Variants in C14orf93 observed in about 807,000 individuals in gnomAD.
The protein encoded by C14orf93 is chromosome 14 open reading frame 93.
In C14orf93, 23 loss-of-function variants were observed where a neutral mutation model predicts 44.0. The observed-to-expected ratio is 0.52, with a 90% confidence interval of 0.38 to 0.74. The LOEUF (loss-of-function observed/expected upper bound fraction) is 0.74, where lower values mean the gene tolerates loss of function less well. C14orf93 is among the 30% of genes least tolerant of loss of function. The pLI, the probability that C14orf93 is intolerant of heterozygous loss-of-function variation, is 0.00. For synonymous variants in C14orf93, 253 were observed against 265.7 expected (o/e 0.95, Z 0.46); for missense variants, 579 against 678.9 (o/e 0.85, Z 1.64).
At chr14:23,001,747 G>C (rs558467801) in intron 1 of C14orf93, among the ~76,000 whole-genome samples, 1 of 148,544 alleles carries the variant, frequency 6.7e-6, no homozygotes, top group East Asian at 2.1e-4. Context: ...TTACAGGTGT[G>C]AGCCACTGCG....
In C14orf93 at chr14:23,003,879, TATATATATATATATA is replaced by T. The variant is rs1566696777; in HGVS notation, c.-379-4492_-379-4478del. 4.4e-3 allele frequency among the ~76,000 whole-genome samples: 72 copies of T among 16,186 alleles called. 1 individual carries two copies. The highest frequency in any genetic ancestry group is 7.2e-3 in the Non-Finnish European group (59 of 8,206). 10.6% of individuals were successfully genotyped at this position (16,186 alleles called of 152,430 possible). A position where few individuals can be genotyped will look rare whatever the true frequency, so the allele number is the denominator to read the frequency against. The stretch of plus-strand genomic sequence containing the variant: ...ATTCATATATATATATATATATATA[TATATATATATATATA>T]TATATTTTTTTTTTTTTTTTTTTTT... On this transcript the variant is annotated intron_variant, in intron 1 of 6. Coordinates refer to ENST00000299088, the MANE Select transcript of C14orf93 (RefSeq NM_021944.4).
intron 1 of C14orf93, among the ~76,000 whole-genome samples, chr14:23,001,496 G>A (rs987405694): frequency 3.9e-5 from 6 of 151,988 alleles, no homozygotes; most frequent in African/African-American, 9.7e-5. Context: ...ACGGAGTCTC[G>A]CTCTGTTGCC....
chr14:22,996,394 A>G lies in C14orf93; in HGVS notation c.598-126T>C. 3.2e-6 allele frequency: 3 copies of G among 928,548 alleles called. No individual in the cohort carries two copies. The South Asian group carries it at 5.7e-5, about 18-fold the overall frequency. 57.5% of individuals were successfully genotyped at this position (928,548 alleles called of 1,614,324 possible). ...AAGGGGAACTCTAGCACAGTCTTTA[A>G]TGGTCAATGGCTTGTTTCTCTGGGA... On this transcript the variant is annotated intron_variant, in intron 2 of 6. Coordinates refer to ENST00000299088, the MANE Select transcript of C14orf93 (RefSeq NM_021944.4). The surrounding 1 kb of genome is among the most constrained non-coding windows in gnomAD (Gnocchi z 4.1).
chr14:22,994,734 G>GAA (rs58652858), intron 3 of C14orf93, among the ~76,000 whole-genome samples: 3 of 123,724 alleles, frequency 2.4e-5, no homozygotes, highest in Non-Finnish European at 3.6e-5. Flanking sequence ...TCTCAAGAAA[G>GAA]AAAAAAAAAA....
intron 5 of C14orf93, among the ~76,000 whole-genome samples, chr14:22,989,389 T>A (rs1365473959): frequency 1.3e-5 from 2 of 152,164 alleles, no homozygotes; most frequent in Admixed American, 6.5e-5. Context: ...GGAAATAATA[T>A]TTAGGGACCA....
In C14orf93 at chr14:22,987,431, G is replaced by A. The variant is rs1305209939; in HGVS notation, c.1401C>T (p.Thr467=). ...YHLDANSKHG[T]KANRVYGPPS... is the part of the protein sequence containing the mutation. ...GAGGCCCATACACACGGTTGGCTTT[G>A]GTGCCATGCTTAGAGTTAGCATCCA... Residue 467 remains threonine, a synonymous_variant, in exon 7 of 7, where the codon ACC becomes ACT. Transcript: ENST00000299088. The surrounding 1 kb of genome is among the most constrained non-coding windows in gnomAD (Gnocchi z 5.6). 9 of 1,614,138 alleles carry A rather than the reference G, an allele frequency of 5.6e-6. No individual in the cohort carries two copies. The highest frequency in any genetic ancestry group is 7.6e-6 in the Non-Finnish European group (9 of 1,180,058).
chr14:23,000,316 G>GA (rs994647029), intron 1 of C14orf93, among the ~76,000 whole-genome samples: 5 of 151,572 alleles, frequency 3.3e-5, no homozygotes, highest in Non-Finnish European at 5.9e-5. Context: ...CTTGATGATA[G>GA]AAAAAAAATC....
In C14orf93 at chr14:22,999,294, G is replaced by A. The variant is rs2046176978; in HGVS notation, c.-271C>T. 1 of 363,472 alleles carries A rather than the reference G, an allele frequency of 2.8e-6. No homozygotes were observed. The highest frequency in any genetic ancestry group is 4.9e-5 in the East Asian group (1 of 20,270). The allele number at this position is 363,472 out of a possible 1,614,324, so 22.5% of individuals were successfully genotyped here. On this transcript the variant is annotated 5_prime_UTR_variant, in exon 2 of 7. It introduces an in-frame stop codon into an upstream open reading frame of the 5' UTR. Transcript: ENST00000299088. ...GCACATCACAAATCAAGGCCTTCCTGATGAACGGTTTCAGACGGTAGAGAG... is the reference window on the plus strand; with the variant it reads ...GCACATCACAAATCAAGGCCTTCCTAATGAACGGTTTCAGACGGTAGAGAG...
chr14:22,988,697 C>T (rs1219645422), intron 5 of C14orf93, among the ~76,000 whole-genome samples: 1 of 152,040 alleles, frequency 6.6e-6, no homozygotes, highest in African/African-American at 2.4e-5. Context: ...TGCCCACCTC[C>T]ATCTCCAACA....
In C14orf93 at chr14:22,996,241, C is replaced by T. The variant is rs1345614066; in HGVS notation, c.625G>A (p.Gly209Ser). The change falls in exon 3 of 7, where the codon GGT becomes AGT. Residue 209 changes from glycine (G) to serine (S), a missense_variant. By Grantham distance (56) the Gly-to-Ser change is moderately conservative (BLOSUM62 0). Coordinates refer to ENST00000299088, the MANE Select transcript of C14orf93 (RefSeq NM_021944.4). This position sits in a 1 kb window ranked among gnomAD's most constrained non-coding sequence, Gnocchi z 4.1. ...GGGACCAGAACTCGCTGTACTGCAC[C>T]CTCAGAGGCCACGTAATCATCCACC... is the stretch of plus-strand genomic sequence containing the variant. ...PLVDDYVASEGAVQRVLVPAY... is the reference protein window; with the variant it reads ...PLVDDYVASESAVQRVLVPAY... 3 of 1,568,206 alleles carry T rather than the reference C, an allele frequency of 1.9e-6. No homozygotes were observed. In the South Asian group the frequency reaches 3.5e-5, roughly 18 times the overall value.
chr14:22,988,119 C>T (rs996364371), intron 5 of C14orf93, 104 bp from the exon 6 acceptor site: 2 of 674,310 alleles, frequency 3.0e-6, no homozygotes, highest in Non-Finnish European at 2.6e-6. Flanking sequence ...TTGGCGATCA[C>T]TACTTAGATG....
Position 22,990,072 on chromosome 14 carries a change from G to A in C14orf93, c.974C>T (p.Ser325Phe), listed in dbSNP as rs867582464. 6.2e-7 allele frequency: 1 copy of A among 1,612,764 alleles called. No individual in the cohort carries two copies. ...TTCCTCAAGGAGACCATACCTTTCA[G>A]ACCCATTGAATCTCTTGTCATTGGT... ...HITNDKRFNG[S>F]ESIKSSWNIS... The change falls in exon 4 of 7, where the codon TCT (serine) becomes TTT (phenylalanine). Residue 325 changes from serine (S) to phenylalanine (F), a missense_variant. Physicochemically the swap from Ser to Phe is radical, Grantham distance 155. Transcript: ENST00000299088.
chr14:22,995,535 C>A (rs780178430), intron 3 of C14orf93, among the ~76,000 whole-genome samples: 2 of 151,926 alleles, frequency 1.3e-5, no homozygotes, highest in Non-Finnish European at 1.5e-5. Context: ...CAAAAATTAG[C>A]TGGGGGTGGT....
In C14orf93 at chr14:22,995,847, C is replaced by G; in HGVS notation, c.918+101G>C. ...CCTCCCACTCTGGTAGGATTCAGTA[C>G]AGCATTCATTCAATATGGGAGGCCT... On this transcript the variant is annotated intron_variant, in intron 3 of 6. Transcript: ENST00000299088. 7.9e-6 allele frequency: 9 copies of G among 1,142,276 alleles called. No individual in the cohort carries two copies. In the South Asian group the frequency reaches 1.5e-4, roughly 19 times the overall value. The allele number at this position is 1,142,276 out of a possible 1,614,324, so 70.8% of individuals were successfully genotyped here. A position where few individuals can be genotyped will look rare whatever the true frequency, so the allele number is the denominator to read the frequency against.
intron 2 of C14orf93, among the ~76,000 whole-genome samples, chr14:22,997,190 G>T (rs1438389987): frequency 1.3e-5 from 2 of 152,154 alleles, no homozygotes; most frequent in Non-Finnish European, 2.9e-5. Context: ...CCTTGAGCTG[G>T]AACCACGGAG....
chr14:22,988,747 T>C (rs2045398875), intron 5 of C14orf93, among the ~76,000 whole-genome samples: 1 of 152,018 alleles, frequency 6.6e-6, no homozygotes, highest in Non-Finnish European at 1.5e-5. Context: ...AAAAGACAAC[T>C]CCAATCGCTT....
chr14:22,987,854 G>C lies in C14orf93; in HGVS notation c.1197+49C>G. ...CATGTCCTCTGGCCCTTCCCACTTA[G>C]GAAAGGGTTTAGAGTTTAGTATCTT... On this transcript the variant is annotated intron_variant, in intron 6 of 6. Coordinates refer to ENST00000299088, the MANE Select transcript of C14orf93 (RefSeq NM_021944.4). This position sits in a 1 kb window ranked among gnomAD's most constrained non-coding sequence, Gnocchi z 5.6. The C allele has an allele frequency of 6.7e-7, 1 of 1,484,602 alleles. No individual in the cohort carries two copies. Among genetic ancestry groups the C allele is most frequent in the East Asian group, 2.3e-5 (1 of 44,246 alleles). 92.0% of individuals were successfully genotyped at this position (1,484,602 alleles called of 1,614,324 possible). A position where few individuals can be genotyped will look rare whatever the true frequency, so the allele number is the denominator to read the frequency against.
rs367674164 is a variant in C14orf93, at chr14:22,993,526, A to G, written c.918+2422T>C. ...CAAAGGAGTGGGCGAATGTTTCAGA[A>G]AGTATTTGGGAGAGTTTCAAAAAAA... On this transcript the variant is annotated intron_variant, in intron 3 of 6. Coordinates refer to ENST00000299088, the MANE Select transcript of C14orf93 (RefSeq NM_021944.4). Among the ~76,000 whole-genome samples the G allele has an allele frequency of 7.2e-5, 11 of 152,364 alleles. No individual in the cohort carries two copies. In the East Asian group the frequency reaches 9.6e-4, roughly 13 times the overall value.
In C14orf93 at chr14:22,999,276, A is replaced by G. The variant is rs538095935; in HGVS notation, c.-253T>C. 2.3e-6 allele frequency: 1 copy of G among 430,406 alleles called. No individual in the cohort carries two copies. The highest frequency in any genetic ancestry group is 2.0e-5 in the African/African-American group (1 of 50,428). 26.7% of individuals were successfully genotyped at this position (430,406 alleles called of 1,614,324 possible). On this transcript the variant is annotated 5_prime_UTR_variant, in exon 2 of 7. The change abolishes the stop of an existing upstream ORF in the 5' untranslated region. Coordinates refer to ENST00000299088, the MANE Select transcript of C14orf93 (RefSeq NM_021944.4). ...AGATCCTGTGCTCTCCTAGCACATC[A>G]CAAATCAAGGCCTTCCTGATGAACG... is the stretch of plus-strand genomic sequence containing the variant.
Sources: allele counts gnomAD v4.1 joint callset (sites outside exome capture counted in the v4.1 genomes callset), GRCh38; gene constraint gnomAD v4.1.1; non-coding constraint Gnocchi (gnomAD v3.1); transcripts MANE v1.5; gene names NCBI Gene and HGNC (gene_info 2026-07-23, HGNC 2026-07-21).